The following GLIS3 variants were observed in gnomAD, a reference collection of about 807,000 sequenced individuals.
The protein encoded by GLIS3 is zinc finger protein GLIS3.
In GLIS3, 53 loss-of-function variants were observed where a neutral mutation model predicts 78.6. The observed-to-expected ratio is 0.67, with a 90% CI of 0.54 to 0.85. The LOEUF (loss-of-function observed/expected upper bound fraction) is 0.85. GLIS3 is among the 40% of genes least tolerant of loss of function. The probability of loss-of-function intolerance (pLI) is 0.00; values close to 1 mark genes in which losing one functional copy is unlikely to be tolerated. For synonymous variants in GLIS3, 684 were observed against 509.9 expected (o/e 1.34, Z -4.60); for missense variants, 1,703 against 1,231.1 (o/e 1.38, Z -5.74).
chr9:4,076,834 A>C (rs1380291683), intron 4 of GLIS3, among the ~76,000 whole-genome samples: 4 of 152,168 alleles, frequency 2.6e-5, no homozygotes, highest in Admixed American at 6.5e-5. Context: ...AGGCGAGGGA[A>C]TGGCTTGAAC....
At chr9:4,405,271 T>A in the GLIS3 span, among the ~76,000 whole-genome samples, 487 of 151,926 alleles carry the variant, frequency 3.2e-3, 2 homozygotes, top group African/African-American at 0.011. Flanking sequence ...GGAGAATCAC[T>A]TGAACCCAGG....
rs539868744 is a variant in GLIS3 at position 4,291,371 on chromosome 9, A to G, written c.-98-4848T>C. ...GAACATGAGGGACCTCACCTAATAG[A>G]AACTCTGACTTTGTTTTATCTGTCA... On this transcript the variant is annotated intron_variant, in intron 1 of 10. Transcript: ENST00000381971. 5.9e-5 allele frequency among the ~76,000 whole-genome samples: 9 copies of G among 152,278 alleles called. No homozygotes were observed. In the East Asian group the frequency reaches 1.7e-3, roughly 29 times the overall value.
chr9:3,920,456 G>A (rs1398810145), intron 6 of GLIS3, among the ~76,000 whole-genome samples: 8 of 152,160 alleles, frequency 5.3e-5, no homozygotes. Flanking sequence ...AAATATTAAT[G>A]AGGATAGAGA....
At chr9:4,463,790 T>C in the GLIS3 span, among the ~76,000 whole-genome samples, 58 of 152,208 alleles carry the variant, frequency 3.8e-4, no homozygotes, top group African/African-American at 1.3e-3. Context: ...TTTCTGTTTC[T>C]TATATAAAAT....
At chr9:4,277,394 AT>A (rs1307687137) in intron 2 of GLIS3, among the ~76,000 whole-genome samples, 1 of 152,250 alleles carries the variant, frequency 6.6e-6, no homozygotes, top group African/African-American at 2.4e-5. Context: ...ACAGTAAAAA[AT>A]AAACATGAAA....
intron 4 of GLIS3, among the ~76,000 whole-genome samples, chr9:4,037,827 C>T (rs368296707): frequency 2.0e-5 from 3 of 151,890 alleles, no homozygotes; most frequent in African/African-American, 7.3e-5. Context: ...TTTTTAAATA[C>T]ACCATTTTAT....
chr9:4,241,922 G>T lies in GLIS3; in HGVS notation c.388+44116C>A, dbSNP rs140000289. Reference sequence around the variant, plus strand: ...TGTTCTCAAGCTCCTGGCCTCAAATGATCTGCTTGCCTTGGCCTCCCAAAG... The same window carrying T: ...TGTTCTCAAGCTCCTGGCCTCAAATTATCTGCTTGCCTTGGCCTCCCAAAG... On this transcript the variant is annotated intron_variant, in intron 2 of 10. Coordinates refer to ENST00000381971, the MANE Select transcript of GLIS3 (RefSeq NM_001042413.2). Among the ~76,000 whole-genome samples the T allele has an allele frequency of 5.5e-4, 84 of 152,266 alleles. No individual in the cohort carries two copies. The East Asian group carries it at 5.6e-3, about 10-fold the overall frequency.
chr9:4,456,496 T>C, the GLIS3 span, among the ~76,000 whole-genome samples: 4 of 152,234 alleles, frequency 2.6e-5, no homozygotes, highest in Non-Finnish European at 5.9e-5. Flanking sequence ...ATCAGCAATA[T>C]GGCTATTCTG....
intron 1 of GLIS3, among the ~76,000 whole-genome samples, chr9:4,294,023 C>T (rs553966006): frequency 1.6e-4 from 24 of 152,172 alleles, no homozygotes; most frequent in Non-Finnish European, 2.5e-4. Context: ...TACAAACCGC[C>T]TTAGAGTCCA....
chr9:4,090,205 T>C (rs184818089), intron 4 of GLIS3, among the ~76,000 whole-genome samples: 1 of 152,308 alleles, frequency 6.6e-6, no homozygotes, highest in East Asian at 1.9e-4. Flanking sequence ...ACAGGCCCAC[T>C]GTCCTCATTA....
the GLIS3 span, among the ~76,000 whole-genome samples, chr9:4,460,988 G>C: frequency 6.6e-6 from 1 of 152,154 alleles, no homozygotes; most frequent in African/African-American, 2.4e-5. Context: ...CATCCATAGA[G>C]AATTAAGAAT....
At chr9:4,228,809 C>A (rs1822003765) in intron 2 of GLIS3, among the ~76,000 whole-genome samples, 1 of 152,180 alleles carries the variant, frequency 6.6e-6, no homozygotes, top group South Asian at 2.1e-4. Context: ...GTTGAAAACA[C>A]AGAACTGAAG....
chr9:4,474,906 C>T, the GLIS3 span, among the ~76,000 whole-genome samples: 3 of 151,278 alleles, frequency 2.0e-5, no homozygotes, highest in Non-Finnish European at 4.4e-5. Context: ...CTCCCTATGT[C>T]GCCCAGGCTT....
the GLIS3 span, among the ~76,000 whole-genome samples, chr9:4,424,549 G>C: frequency 6.6e-6 from 1 of 152,072 alleles, no homozygotes; most frequent in African/African-American, 2.4e-5. Flanking sequence ...GCAGATAGTG[G>C]ATTTGCTTTT....
At chr9:3,914,331 AT>A (rs35662964) in intron 6 of GLIS3, among the ~76,000 whole-genome samples, 94,834 of 128,990 alleles carry the variant, frequency 0.74, 34,196 homozygotes, top group Admixed American at 0.8. Context: ...AGATTTTTGG[AT>A]TTTTTTTTTT....
intron 3 of GLIS3, among the ~76,000 whole-genome samples, chr9:4,124,824 A>G (rs910415962): frequency 9.2e-5 from 14 of 152,358 alleles, no homozygotes; most frequent in African/African-American, 2.9e-4. Context: ...GGGCTTAGAG[A>G]GTAAAATTCC....
chr9:4,290,419 G>A (rs1563906545), intron 1 of GLIS3, among the ~76,000 whole-genome samples: 1 of 152,056 alleles, frequency 6.6e-6, no homozygotes, highest in East Asian at 1.9e-4. Flanking sequence ...TTGGGTTCAT[G>A]ACTGTATAAT....
the GLIS3 span, among the ~76,000 whole-genome samples, chr9:4,448,723 T>C: frequency 4.6e-5 from 7 of 152,344 alleles, no homozygotes; most frequent in African/African-American, 9.6e-5. Flanking sequence ...AATCATTATG[T>C]CCTTTTGATC....
the GLIS3 span, among the ~76,000 whole-genome samples, chr9:4,412,716 C>G: frequency 6.6e-6 from 1 of 152,170 alleles, no homozygotes; most frequent in Non-Finnish European, 1.5e-5. Flanking sequence ...AGTAACTAGT[C>G]TACATTTCCC....
Sources: gnomAD v4.1 joint callset for allele counts (sites outside exome capture counted in the v4.1 genomes callset) on GRCh38, gnomAD v4.1.1 for gene constraint, MANE v1.5 for transcripts, NCBI Gene and HGNC (gene_info 2026-07-23, HGNC 2026-07-21) for gene names.